The following PHF12 variants were observed in gnomAD, a reference collection of about 807,000 sequenced individuals.
PHF12 encodes the protein PHD finger protein 12.
In PHF12, 6 loss-of-function variants were observed where a neutral mutation model predicts 99.8. That is an observed-to-expected ratio of 0.06 (90% CI 0.03 to 0.12). The LOEUF (loss-of-function observed/expected upper bound fraction) is 0.12. PHF12 is among the 10% of genes least tolerant of loss of function. The pLI, the probability that PHF12 is intolerant of heterozygous loss-of-function variation, is 1.00. For missense variants in PHF12, 954 were observed against 1,300.1 expected, an observed-to-expected ratio of 0.73 and a Z score of 4.09; for synonymous variants, 480 against 514.9, an observed-to-expected ratio of 0.93 and a Z score of 0.92.
intron 10 of PHF12, chr17:28,910,778 G>A (rs1220722812): frequency 2.6e-6 from 1 of 380,380 alleles, no homozygotes; most frequent in African/African-American, 2.1e-5. Context: ...CACAGATGAG[G>A]TCCCTCCTTT....
chr17:28,922,752 C>G (rs754189246), intron 4 of PHF12, among the ~76,000 whole-genome samples: 1 of 152,008 alleles, frequency 6.6e-6, no homozygotes, highest in South Asian at 2.1e-4. Context: ...TAAATTATGA[C>G]GTATCTGTAC....
intron 4 of PHF12, among the ~76,000 whole-genome samples, chr17:28,923,589 C>T (rs1416525491): frequency 1.6e-5 from 2 of 123,622 alleles, no homozygotes; most frequent in African/African-American, 3.1e-5. Flanking sequence ...ACCTGGGAGG[C>T]GGAGGTTGCA....
intron 2 of PHF12, among the ~76,000 whole-genome samples, chr17:28,947,446 C>G (rs1055978926): frequency 6.6e-6 from 1 of 151,878 alleles, no homozygotes; most frequent in Non-Finnish European, 1.5e-5. Flanking sequence ...GGTGTGGTGG[C>G]GGGCACCTAT....
intron 8 of PHF12, among the ~76,000 whole-genome samples, chr17:28,913,656 C>T (rs982121928): frequency 9.8e-5 from 15 of 152,322 alleles, no homozygotes; most frequent in African/African-American, 3.6e-4. Context: ...TCACAGTGCA[C>T]TGGGGTAACG....
intron 2 of PHF12, among the ~76,000 whole-genome samples, chr17:28,938,692 C>T (rs994870736): frequency 6.6e-6 from 1 of 152,138 alleles, no homozygotes; most frequent in African/African-American, 2.4e-5. Context: ...TACCCTTACC[C>T]TCTCCCATCC....
intron 2 of PHF12, 90 bp from the exon 3 acceptor site, chr17:28,927,153 T>C: frequency 1.6e-6 from 2 of 1,212,918 alleles, no homozygotes; most frequent in South Asian, 1.4e-5. Flanking sequence ...CCTAAACTCC[T>C]ATTGTGGCCA....
chr17:28,925,351 T>A (rs180975271), intron 3 of PHF12: 3 of 152,296 alleles, frequency 2.0e-5, no homozygotes, highest in Non-Finnish European at 4.4e-5. Flanking sequence ...AAGGGATAAT[T>A]TGGAGTTGGA....
chr17:28,941,868 A>G lies in PHF12; in HGVS notation c.248+8197T>C, dbSNP rs1042498027. Among the ~76,000 whole-genome samples, 6 of 152,114 alleles carry G rather than the reference A, an allele frequency of 3.9e-5. No individual in the cohort carries two copies. In the South Asian group the frequency reaches 1.2e-3, roughly 32 times the overall value. ...GTGATCCACCTGCCTCGGCTCCCCA[A>G]AGTGCTGGGATTACAGGTGTGAGCC... On this transcript the variant is annotated intron_variant, in intron 2 of 14. Coordinates refer to ENST00000332830, the MANE Select transcript of PHF12 (RefSeq NM_001033561.2).
At chr17:28,945,961 C>T (rs113146721) in intron 2 of PHF12, among the ~76,000 whole-genome samples, 1 of 152,174 alleles carries the variant, frequency 6.6e-6, no homozygotes. Flanking sequence ...CGGTGAAACC[C>T]TGTCTCTACT....
rs1175929874 is a variant in PHF12 at position 28,949,963 on chromosome 17, G to T, written c.248+102C>A. ...CGGCAGCTGCAGAAAGTCAGCTAGC[G>T]GCTGCAAGCGCCCGTTATTTCGGCA... On this transcript the variant is annotated intron_variant, in intron 2 of 14. Transcript: ENST00000332830. The surrounding 1 kb of genome is among the most constrained non-coding windows in gnomAD (Gnocchi z 4.6). 7.5e-7 allele frequency: 1 copy of T among 1,335,782 alleles called. No individual in the cohort carries two copies. Among genetic ancestry groups the T allele is most frequent in the South Asian group, 1.5e-5 (1 of 68,910 alleles). The allele number at this position is 1,335,782 out of a possible 1,614,324, so 82.7% of individuals were successfully genotyped here. A position where few individuals can be genotyped will look rare whatever the true frequency, so the allele number is the denominator to read the frequency against.
At chr17:28,930,991 G>A (rs921162662) in intron 2 of PHF12, among the ~76,000 whole-genome samples, 1 of 152,196 alleles carries the variant, frequency 6.6e-6, no homozygotes, top group African/African-American at 2.4e-5. Context: ...AGGATCACTT[G>A]AGCCTGGGAG....
intron 2 of PHF12, among the ~76,000 whole-genome samples, chr17:28,930,491 A>AT (rs1381811719): frequency 6.6e-6 from 1 of 152,204 alleles, no homozygotes; most frequent in Non-Finnish European, 1.5e-5. Context: ...AGGGGAGGTA[A>AT]TGCAATGGGG....
intron 2 of PHF12, among the ~76,000 whole-genome samples, chr17:28,939,506 G>A (rs2040573770): frequency 6.6e-6 from 1 of 152,222 alleles, no homozygotes; most frequent in South Asian, 2.1e-4. Flanking sequence ...TCCCTCTAAA[G>A]CTGAGAATCA....
Position 28,913,602 on chromosome 17 carries a change from C to G in PHF12, c.1293+277G>C, listed in dbSNP as rs763601777. Among the ~76,000 whole-genome samples, 4 of 152,232 alleles carry G rather than the reference C, an allele frequency of 2.6e-5. No individual in the cohort carries two copies. In the South Asian group the frequency reaches 8.3e-4, roughly 31 times the overall value. On this transcript the variant is annotated intron_variant, in intron 8 of 14. Coordinates refer to ENST00000332830, the MANE Select transcript of PHF12 (RefSeq NM_001033561.2). The stretch of plus-strand genomic sequence containing the variant: ...TGTCCAGCACTATCACCTAACCTCT[C>G]TATGGGTCTACTCATCTCTTTCTAC...
rs148828184 is a variant in PHF12, at chr17:28,910,070, C to T, written c.2359+156G>A. ...GTGGTTGCCATCTTGTTCCTGCTCT[C>T]TTCAGAAAAAAACCATGGTGCTTTA... On this transcript the variant is annotated intron_variant, in intron 11 of 14. Transcript: ENST00000332830. 3.8e-5 allele frequency: 43 copies of T among 1,139,648 alleles called. No homozygotes were observed. The East Asian group carries it at 1.0e-3, about 27-fold the overall frequency. The allele number at this position is 1,139,648 out of a possible 1,614,324, so 70.6% of individuals were successfully genotyped here.
In PHF12 at chr17:28,950,290, C is replaced by T. The variant is rs766407469; in HGVS notation, c.67-44G>A. ...GGCGTGTGTGCACACTCGGAGCTCCCGGGCGGTCCGTCGCCCCCCCGGCGC... is the reference window on the plus strand; with the variant it reads ...GGCGTGTGTGCACACTCGGAGCTCCTGGGCGGTCCGTCGCCCCCCCGGCGC... On this transcript the variant is annotated intron_variant, in intron 1 of 14. Transcript: ENST00000332830. The surrounding 1 kb of genome is among the most constrained non-coding windows in gnomAD (Gnocchi z 5.7). 2 of 1,552,668 alleles carry T rather than the reference C, an allele frequency of 1.3e-6. No homozygotes were observed.
intron 10 of PHF12, 193 bp from the exon 11 acceptor site, chr17:28,910,562 C>T: frequency 1.5e-6 from 1 of 651,296 alleles, no homozygotes; most frequent in Non-Finnish European, 2.6e-6. Context: ...GTGAGATGGG[C>T]CCCAATGCAG....
intron 5 of PHF12, among the ~76,000 whole-genome samples, chr17:28,920,181 A>C (rs1032828293): frequency 2.0e-5 from 3 of 152,226 alleles, no homozygotes; most frequent in African/African-American, 4.8e-5. Context: ...TGGGGTCCCC[A>C]AGATGCACTG....
chr17:28,931,345 T>A (rs932753957), intron 2 of PHF12, among the ~76,000 whole-genome samples: 4 of 149,726 alleles, frequency 2.7e-5, no homozygotes, highest in Non-Finnish European at 4.4e-5. Flanking sequence ...AACCTCTGCC[T>A]CCAGGGTTCA....
Sources: gnomAD v4.1 joint callset for allele counts (sites outside exome capture counted in the v4.1 genomes callset) on GRCh38, gnomAD v4.1.1 for gene constraint, Gnocchi (gnomAD v3.1) non-coding constraint, MANE v1.5 for transcripts, NCBI Gene and HGNC (gene_info 2026-07-23, HGNC 2026-07-21) for gene names.